The following ADGRV1 variants were observed in gnomAD, a reference collection of about 807,000 sequenced individuals.
ADGRV1 encodes adhesion G protein-coupled receptor V1, also known as G-protein coupled receptor 98.
Under a neutral mutation model 596.2 loss-of-function variants are expected in ADGRV1, and 359 were observed. That is an observed-to-expected ratio of 0.60 (90% CI 0.55 to 0.66). ADGRV1 has a LOEUF of 0.66. Ranked by LOEUF, ADGRV1 falls within the 30% of genes least tolerant of loss-of-function variation. The pLI is 0.00. For synonymous variants in ADGRV1, 2,681 were observed against 2,679.2 expected (o/e 1.00, Z -0.02); for missense variants, 7,274 against 7,575.6 (o/e 0.96, Z 1.48).
At position 90,615,943 on chromosome 5, in the gene ADGRV1, C is replaced by T. The variant is rs187398938; in HGVS notation, c.207+924C>T. ...TGGTTGCTTCTAATTTTTACAGTTACGAATGTTATTCTGGTGAAACTGTTT... is the reference window on the plus strand; with the variant it reads ...TGGTTGCTTCTAATTTTTACAGTTATGAATGTTATTCTGGTGAAACTGTTT... On this transcript the variant is annotated intron_variant, in intron 2 of 89. Transcript: ENST00000405460. Among the ~76,000 whole-genome samples the T allele has an allele frequency of 2.4e-4, 36 of 151,962 alleles. No homozygotes were observed. In the East Asian group the frequency reaches 5.8e-3, roughly 24 times the overall value.
rs536591787 is a variant in ADGRV1 at position 90,694,377 on chromosome 5, T to G, written c.7621T>G (p.Ser2541Ala). The G allele has an allele frequency of 1.2e-5, 19 of 1,613,982 alleles. No homozygotes were observed. In the African/African-American group the frequency reaches 2.0e-4, roughly 17 times the overall value. Residue 2541 changes from serine to alanine, a missense_variant, in exon 33 of 90, where the codon TCT (serine) becomes GCT (alanine). Physicochemically the swap from Ser to Ala is moderately conservative, Grantham distance 99. This residue lies in a region of ADGRV1 where 3,643 missense variants were observed against 3,809.2 expected (regional missense o/e 0.96). Transcript: ENST00000405460. ...AGAGATGGATGAGAGTTTTCTAATT[T>G]CTCTCCTTGAAGTTCACCTCATGAA... is the stretch of plus-strand genomic sequence containing the variant. ...FPEMDESFLI[S>A]LLEVHLMNIS...
At chr5:90,786,823 G>A (rs1380088322) in intron 67 of ADGRV1, among the ~76,000 whole-genome samples, 1 of 152,178 alleles carries the variant, frequency 6.6e-6, no homozygotes, top group Non-Finnish European at 1.5e-5. Context: ...TGTTTTGGGC[G>A]TGTTCTTCTG....
chr5:90,662,187 C>CTT (rs5869513), intron 21 of ADGRV1, among the ~76,000 whole-genome samples: 19,638 of 130,656 alleles, frequency 0.15, 2,664 homozygotes, highest in East Asian at 0.39. Flanking sequence ...GGTTAAACAA[C>CTT]TTTTTTTTTT....
chr5:91,138,794 T>G (rs927812322), intron 87 of ADGRV1, among the ~76,000 whole-genome samples: 1 of 149,806 alleles, frequency 6.7e-6, no homozygotes, highest in African/African-American at 2.5e-5. Flanking sequence ...TTTTTTTAAA[T>G]GGAGACTCAC....
chr5:91,156,097 A>AG (rs1796457707), intron 89 of ADGRV1, among the ~76,000 whole-genome samples: 1 of 152,358 alleles, frequency 6.6e-6, no homozygotes, highest in South Asian at 2.1e-4. Flanking sequence ...GTTCAGATGT[A>AG]GGCCTGGTGG....
chr5:90,885,355 A>G (rs1395412101), intron 83 of ADGRV1, among the ~76,000 whole-genome samples: 1 of 152,172 alleles, frequency 6.6e-6, no homozygotes, highest in African/African-American at 2.4e-5. Flanking sequence ...TCAGGACTTT[A>G]TAGATGAAAC....
intron 70 of ADGRV1, among the ~76,000 whole-genome samples, chr5:90,797,256 A>G (rs1378157845): frequency 2.2e-5 from 3 of 138,090 alleles, no homozygotes; most frequent in Non-Finnish European, 4.7e-5. Flanking sequence ...ATATAAAGGG[A>G]TGGAGGAATA....
At chr5:90,786,520 G>A (rs1759471176) in intron 67 of ADGRV1, among the ~76,000 whole-genome samples, 1 of 152,194 alleles carries the variant, frequency 6.6e-6, no homozygotes, top group Admixed American at 6.5e-5. Flanking sequence ...CAAGGAAAAT[G>A]GATTCAAGAA....
intron 85 of ADGRV1, among the ~76,000 whole-genome samples, chr5:91,058,741 A>G (rs1159996135): frequency 6.6e-6 from 1 of 152,160 alleles, no homozygotes; most frequent in Non-Finnish European, 1.5e-5. Context: ...TTTTGCAGAA[A>G]CACACATGAG....
intron 87 of ADGRV1, among the ~76,000 whole-genome samples, chr5:91,123,691 C>T (rs956562901): frequency 2.0e-5 from 3 of 152,158 alleles, no homozygotes; most frequent in African/African-American, 7.2e-5. Flanking sequence ...CTTCTCCATT[C>T]CCTGAGCTAA....
intron 1 of ADGRV1, among the ~76,000 whole-genome samples, chr5:90,613,182 G>A (rs181292077): frequency 1.9e-4 from 29 of 152,150 alleles, no homozygotes; most frequent in Non-Finnish European, 2.8e-4. Flanking sequence ...CCTGTTCAAG[G>A]ACTGTAGATT....
At chr5:90,733,320 T>A (rs1752790476) in intron 50 of ADGRV1, among the ~76,000 whole-genome samples, 1 of 152,138 alleles carries the variant, frequency 6.6e-6, no homozygotes. Context: ...ATAGGTGTCT[T>A]TAGTTTGAGA....
intron 21 of ADGRV1, among the ~76,000 whole-genome samples, chr5:90,671,819 T>C (rs1294834175): frequency 1.3e-5 from 2 of 152,188 alleles, no homozygotes; most frequent in African/African-American, 4.8e-5. Flanking sequence ...CTCTAAATGA[T>C]ATTCCAGCTG....
At chr5:90,581,508 C>G (rs1265540278) in intron 1 of ADGRV1, among the ~76,000 whole-genome samples, 1 of 152,204 alleles carries the variant, frequency 6.6e-6, no homozygotes, top group Non-Finnish European at 1.5e-5. Flanking sequence ...TTCTAACAGT[C>G]AAGTCCCTCA....
intron 85 of ADGRV1, among the ~76,000 whole-genome samples, chr5:91,062,941 G>T (rs1238351084): frequency 6.9e-6 from 1 of 145,378 alleles, no homozygotes; most frequent in Non-Finnish European, 1.5e-5. Flanking sequence ...TGCTAGAAGA[G>T]TGTTTCTCAA....
intron 85 of ADGRV1, among the ~76,000 whole-genome samples, chr5:91,064,888 A>AATGC (rs1478039278): frequency 1.4e-4 from 21 of 152,202 alleles, no homozygotes; most frequent in Admixed American, 9.2e-4. Flanking sequence ...GTACACACAC[A>AATGC]ATGCATGCAT....
chr5:90,755,596 A>T lies in ADGRV1; in HGVS notation c.11580+411A>T, dbSNP rs375287839. On this transcript the variant is annotated intron_variant, in intron 55 of 89. Transcript: ENST00000405460. ...TTCCTTTCATGATATGATTACTTGA[A>T]TCAAGATTAGTCTTCAGATGGTTTA... Among the ~76,000 whole-genome samples the T allele has an allele frequency of 3.3e-5, 5 of 152,026 alleles. No homozygotes were observed. The East Asian group carries it at 9.7e-4, about 29-fold the overall frequency.
At chr5:90,614,782 T>G in intron 1 of ADGRV1, 53 bp from the exon 2 acceptor site, 6 of 1,260,746 alleles carry the variant, frequency 4.8e-6, no homozygotes, top group Non-Finnish European at 6.8e-6. Flanking sequence ...TACAATCTAA[T>G]GAGAATAGAT....
rs995952762 is a variant in ADGRV1, at chr5:90,810,246, G to T, written c.14986G>T (p.Val4996Phe). 2.6e-5 allele frequency: 40 copies of T among 1,566,724 alleles called. No homozygotes were observed. The highest frequency in any genetic ancestry group is 3.5e-5 in the Non-Finnish European group (40 of 1,155,818). ...TTTTTTTCCCAGATCAGGTTTCATTGTTGCTGAAATTGAACCAATGGGCGT... is the reference window on the plus strand; with the variant it reads ...TTTTTTTCCCAGATCAGGTTTCATTTTTGCTGAAATTGAACCAATGGGCGT... Reference protein sequence around the residue: ...GGAQLRSGFIVAEIEPMGVFQ... With the variant: ...GGAQLRSGFIFAEIEPMGVFQ... The change falls in exon 74 of 90, where the codon GTT (valine) becomes TTT (phenylalanine). Residue 4996 changes from valine (V) to phenylalanine (F), a missense_variant. Coordinates refer to ENST00000405460, the MANE Select transcript of ADGRV1 (RefSeq NM_032119.4).
Sources: gnomAD v4.1 joint callset for allele counts (sites outside exome capture counted in the v4.1 genomes callset) on GRCh38, gnomAD v4.1.1 for gene constraint, gnomAD v4.1.1 regional missense constraint, MANE v1.5 for transcripts, NCBI Gene and HGNC (gene_info 2026-07-23, HGNC 2026-07-21) for gene names.